MAP2: variants seen among roughly 807,000 people sequenced by gnomAD.
MAP2 encodes the protein microtubule associated protein 2, also known as microtubule-associated protein 2.
Under a neutral mutation model 137.6 loss-of-function variants are expected in MAP2, and 14 were observed. The ratio of observed to expected loss-of-function variants is 0.10; its 90% CI spans 0.07 to 0.16. The LOEUF (loss-of-function observed/expected upper bound fraction) is 0.16. Among genes scored for constraint, MAP2 ranks in the 10% least tolerant of loss-of-function variants. The pLI is 1.00. For missense variants in MAP2, 2,088 were observed against 2,191.5 expected (o/e 0.95, Z 0.94); for synonymous variants, 786 against 782.3 (o/e 1.00, Z -0.08).
intron 2 of MAP2, among the ~76,000 whole-genome samples, chr2:209,542,966 G>A (rs540465638): frequency 1.8e-4 from 28 of 152,144 alleles, no homozygotes; most frequent in Admixed American, 1.2e-3. Flanking sequence ...TTTCATTTGC[G>A]TTCACAATTT....
chr2:209,597,478 A>G (rs1042852883), intron 3 of MAP2, among the ~76,000 whole-genome samples: 1 of 152,130 alleles, frequency 6.6e-6, no homozygotes, highest in Non-Finnish European at 1.5e-5. Context: ...GTCTCTCATC[A>G]TCTTGAACTC....
chr2:209,467,390 A>G (rs1460032992), intron 1 of MAP2, among the ~76,000 whole-genome samples: 1 of 152,188 alleles, frequency 6.6e-6, no homozygotes. Context: ...TCTTAAAAAA[A>G]TAAATTTCAG....
intron 5 of MAP2, among the ~76,000 whole-genome samples, chr2:209,672,135 A>G (rs2049103248): frequency 1.3e-5 from 2 of 151,950 alleles, no homozygotes; most frequent in Non-Finnish European, 2.9e-5. Flanking sequence ...GCATTAGGGA[A>G]AAAACCAGAG....
At chr2:209,664,375 C>A (rs2045239068) in intron 5 of MAP2, among the ~76,000 whole-genome samples, 2 of 151,660 alleles carry the variant, frequency 1.3e-5, no homozygotes, top group Admixed American at 1.3e-4. Context: ...CATAGTGAAA[C>A]CCTGTCTCTA....
chr2:209,550,859 G>C (rs1225456619), intron 2 of MAP2, among the ~76,000 whole-genome samples: 1 of 152,122 alleles, frequency 6.6e-6, no homozygotes, highest in Non-Finnish European at 1.5e-5. Context: ...AGTTTGGTCA[G>C]ATCTCAGTTT....
At chr2:209,680,608 A>G (rs2054144788) in intron 6 of MAP2, 142 bp from the exon 7 acceptor site, 1 of 702,616 alleles carries the variant, frequency 1.4e-6, no homozygotes. Flanking sequence ...TGGGCCTATA[A>G]ATAAACCAAA....
intron 1 of MAP2, among the ~76,000 whole-genome samples, chr2:209,428,654 C>A (rs1693259634): frequency 1.3e-5 from 2 of 151,712 alleles, no homozygotes; most frequent in Admixed American, 6.6e-5. Flanking sequence ...TTTATGCTAA[C>A]CTCTCCTCCT....
chr2:209,620,053 C>A (rs16843257), intron 3 of MAP2, among the ~76,000 whole-genome samples: 2,589 of 152,244 alleles, frequency 0.017, 85 homozygotes, highest in African/African-American at 0.059. Flanking sequence ...AGCTCTGTCA[C>A]TGCATGAGAG....
At chr2:209,438,730 C>T (rs1697002713) in intron 1 of MAP2, among the ~76,000 whole-genome samples, 1 of 151,350 alleles carries the variant, frequency 6.6e-6, no homozygotes, top group South Asian at 2.1e-4. Flanking sequence ...TTATTCATGC[C>T]ATTTCTGGAC....
intron 3 of MAP2, among the ~76,000 whole-genome samples, chr2:209,581,351 TTAAAA>T (rs2076372933): frequency 6.6e-6 from 1 of 152,140 alleles, no homozygotes; most frequent in Non-Finnish European, 1.5e-5. Context: ...AATGAATTCG[TTAAAA>T]TAAATTAGTG....
At chr2:209,437,043 T>C (rs992166471) in intron 1 of MAP2, among the ~76,000 whole-genome samples, 3 of 151,752 alleles carry the variant, frequency 2.0e-5, no homozygotes, top group African/African-American at 7.2e-5. Context: ...CTTTCAATCA[T>C]ATTGTACTAT....
chr2:209,624,885 T>A (rs1044651201), intron 3 of MAP2, among the ~76,000 whole-genome samples, 168 bp from the exon 4 acceptor site: 3 of 152,220 alleles, frequency 2.0e-5, no homozygotes, highest in Non-Finnish European at 4.4e-5. Flanking sequence ...CAGCCAGTGA[T>A]AAATGCTCAG....
intron 3 of MAP2, among the ~76,000 whole-genome samples, chr2:209,603,146 A>G (rs1350004463): frequency 6.6e-6 from 1 of 152,198 alleles, no homozygotes; most frequent in Non-Finnish European, 1.5e-5. Flanking sequence ...GGAGAGAAGA[A>G]TAGTTGGGTG....
chr2:209,549,351 G>GTTTACTCT (rs1277510701), intron 2 of MAP2, among the ~76,000 whole-genome samples: 2 of 152,146 alleles, frequency 1.3e-5, no homozygotes, highest in Non-Finnish European at 2.9e-5. Flanking sequence ...AGGCTTCAGA[G>GTTTACTCT]TAAACTGAAG....
chr2:209,669,964 G>A (rs958242432), intron 5 of MAP2, among the ~76,000 whole-genome samples: 2 of 151,862 alleles, frequency 1.3e-5, no homozygotes, highest in African/African-American at 4.8e-5. Flanking sequence ...TTAGCAATGT[G>A]ATGTATTTTA....
At chr2:209,595,681 C>G (rs1025777745) in intron 3 of MAP2, among the ~76,000 whole-genome samples, 7 of 152,274 alleles carry the variant, frequency 4.6e-5, no homozygotes, top group African/African-American at 1.4e-4. Flanking sequence ...CGGCCCTATT[C>G]ACGATAGCAA....
chr2:209,717,261 C>T (rs142819946), intron 13 of MAP2, among the ~76,000 whole-genome samples: 1 of 152,106 alleles, frequency 6.6e-6, no homozygotes, highest in Non-Finnish European at 1.5e-5. Context: ...GGAACTTTCA[C>T]TCTCTCTCCT....
chr2:209,489,372 A>T (rs1168613078), intron 1 of MAP2, among the ~76,000 whole-genome samples: 1 of 152,170 alleles, frequency 6.6e-6, no homozygotes, highest in African/African-American at 2.4e-5. Flanking sequence ...CAAATACCAG[A>T]ACACTTCTTC....
intron 3 of MAP2, among the ~76,000 whole-genome samples, chr2:209,604,250 A>G (rs1335500833): frequency 6.6e-6 from 1 of 152,184 alleles, no homozygotes; most frequent in Non-Finnish European, 1.5e-5. Flanking sequence ...TGAGGTGTTC[A>G]TTAAGTCCGT....
Sources: allele counts gnomAD v4.1 joint callset (sites outside exome capture counted in the v4.1 genomes callset), GRCh38; gene constraint gnomAD v4.1.1; transcripts MANE v1.5; gene names NCBI Gene and HGNC (gene_info 2026-07-23, HGNC 2026-07-21).